CACNG2: variants seen among roughly 807,000 people sequenced by gnomAD.
The protein encoded by CACNG2 is voltage-dependent calcium channel gamma-2 subunit.
CACNG2 carries 3 observed loss-of-function variants against 25.9 expected under a neutral mutation model. The ratio of observed to expected loss-of-function variants is 0.12; its 90% CI spans 0.05 to 0.30. CACNG2 has a LOEUF of 0.30. Among genes scored for constraint, CACNG2 ranks in the 10% least tolerant of loss-of-function variants. CACNG2 has a pLI of 1.00. For synonymous variants in CACNG2, 167 were observed against 173.3 expected, an observed-to-expected ratio of 0.96 and a Z score of 0.29; for missense variants, 341 against 432.5, an observed-to-expected ratio of 0.79 and a Z score of 1.88.
intron 1 of CACNG2, among the ~76,000 whole-genome samples, chr22:36,611,221 C>G (rs1241014733): frequency 6.6e-6 from 1 of 152,126 alleles, no homozygotes; most frequent in Non-Finnish European, 1.5e-5. Flanking sequence ...GAGCTGCCCT[C>G]TATAGATTCG....
rs1270551428 is a variant in CACNG2 at position 36,606,869 on chromosome 22, G to C, written c.212-19321C>G. 2.0e-5 allele frequency among the ~76,000 whole-genome samples: 3 copies of C among 151,436 alleles called. No homozygotes were observed. The highest frequency in any genetic ancestry group is 7.3e-5 in the African/African-American group (3 of 41,148). On this transcript the variant is annotated intron_variant, in intron 1 of 3. Transcript: ENST00000300105. The surrounding 1 kb of genome is among the most constrained non-coding windows in gnomAD (Gnocchi z 5.7). ...TGTGTATGTATGTGTACGTGTGTAT[G>C]TCTGTGTGTGAGTCTGTGTGTGTGT...
At chr22:36,586,218 A>G (rs2145921286) in intron 2 of CACNG2, among the ~76,000 whole-genome samples, 1 of 152,342 alleles carries the variant, frequency 6.6e-6, no homozygotes, top group Non-Finnish European at 1.5e-5. Context: ...AGCACGGAGC[A>G]CAGGATCCAG....
chr22:36,629,255 CT>C (rs1449042627), intron 1 of CACNG2, among the ~76,000 whole-genome samples: 1 of 152,118 alleles, frequency 6.6e-6, no homozygotes, highest in Non-Finnish European at 1.5e-5. Flanking sequence ...TTCATTCTTC[CT>C]TCATTCGTTC....
At chr22:36,671,329 A>C (rs1434570846) in intron 1 of CACNG2, among the ~76,000 whole-genome samples, 2 of 152,246 alleles carry the variant, frequency 1.3e-5, no homozygotes, top group Non-Finnish European at 2.9e-5. Context: ...TTAATCTGAC[A>C]ATCTTGAAGC....
intron 1 of CACNG2, among the ~76,000 whole-genome samples, chr22:36,682,880 G>C (rs907587164): frequency 6.6e-6 from 1 of 152,106 alleles, no homozygotes; most frequent in African/African-American, 2.4e-5. Context: ...TCTTTTAATT[G>C]AAGGGAAGCT....
chr22:36,599,966 G>A (rs1395436885), intron 1 of CACNG2, among the ~76,000 whole-genome samples: 1 of 152,196 alleles, frequency 6.6e-6, no homozygotes, highest in African/African-American at 2.4e-5. Context: ...CAAAGTTCTG[G>A]CCAATGGGAT....
At chr22:36,676,295 G>T (rs1937018955) in intron 1 of CACNG2, among the ~76,000 whole-genome samples, 1 of 152,160 alleles carries the variant, frequency 6.6e-6, no homozygotes, top group South Asian at 2.1e-4. Flanking sequence ...CTCTAAACCT[G>T]AATCTTAGCG....
intron 1 of CACNG2, among the ~76,000 whole-genome samples, chr22:36,594,410 G>A (rs549422349): frequency 2.6e-5 from 4 of 152,344 alleles, no homozygotes; most frequent in Admixed American, 1.3e-4. Context: ...CACGCTCCAT[G>A]CAACCTGCTG....
chr22:36,672,781 T>C (rs1295151593), intron 1 of CACNG2, among the ~76,000 whole-genome samples: 1 of 152,196 alleles, frequency 6.6e-6, no homozygotes, highest in African/African-American at 2.4e-5. Flanking sequence ...TCCCATTCCG[T>C]ACTTTAGTCA....
intron 1 of CACNG2, among the ~76,000 whole-genome samples, chr22:36,676,122 C>G (rs890249191): frequency 7.9e-5 from 12 of 152,216 alleles, no homozygotes; most frequent in Non-Finnish European, 1.3e-4. Flanking sequence ...CCCCACAGCG[C>G]TATCTCTTAG....
chr22:36,596,995 G>A (rs1312293744), intron 1 of CACNG2, among the ~76,000 whole-genome samples: 3 of 151,508 alleles, frequency 2.0e-5, no homozygotes, highest in Non-Finnish European at 4.4e-5. Flanking sequence ...CAAGCGATCC[G>A]CCCTCCTCAG....
chr22:36,702,976 T>C lies in CACNG2; in HGVS notation c.-400A>G, dbSNP rs1937430611. ...GTTAATTTGGAGATGGCTTCCACAGTGAACCAGGGAACAGCCGAATTCTCA... is the reference window on the plus strand; with the variant it reads ...GTTAATTTGGAGATGGCTTCCACAGCGAACCAGGGAACAGCCGAATTCTCA... On this transcript the variant is annotated 5_prime_UTR_variant, in exon 1 of 4. Transcript: ENST00000300105. 1 of 189,018 alleles carries C rather than the reference T, an allele frequency of 5.3e-6. No individual in the cohort carries two copies. Among genetic ancestry groups the C allele is most frequent in the Non-Finnish European group, 1.1e-5 (1 of 92,986 alleles). The allele number at this position is 189,018 out of a possible 1,614,324, so 11.7% of individuals were successfully genotyped here.
intron 2 of CACNG2, among the ~76,000 whole-genome samples, chr22:36,568,897 G>A (rs978306454): frequency 6.6e-6 from 1 of 151,846 alleles, no homozygotes; most frequent in African/African-American, 2.4e-5. Context: ...GGGGTGGCTG[G>A]GCTACTCTGC....
At chr22:36,675,098 G>A (rs1937003711) in intron 1 of CACNG2, among the ~76,000 whole-genome samples, 1 of 152,062 alleles carries the variant, frequency 6.6e-6, no homozygotes, top group Non-Finnish European at 1.5e-5. Flanking sequence ...ATGCAGTGTT[G>A]TGATCACGGC....
At chr22:36,613,784 C>G (rs533758123) in intron 1 of CACNG2, among the ~76,000 whole-genome samples, 1 of 152,224 alleles carries the variant, frequency 6.6e-6, no homozygotes, top group South Asian at 2.1e-4. Flanking sequence ...GAACCTCAAC[C>G]TGAACTTAGT....
chr22:36,644,614 G>C (rs1601433190), intron 1 of CACNG2, among the ~76,000 whole-genome samples: 2 of 152,302 alleles, frequency 1.3e-5, no homozygotes, highest in Admixed American at 6.5e-5. Context: ...CTAATACTGA[G>C]AGGTAGCATG....
chr22:36,627,073 A>C (rs1466461073), intron 1 of CACNG2, among the ~76,000 whole-genome samples: 1 of 152,232 alleles, frequency 6.6e-6, no homozygotes, highest in Non-Finnish European at 1.5e-5. Flanking sequence ...CACTCCTCTG[A>C]GGAGACAACC....
intron 1 of CACNG2, among the ~76,000 whole-genome samples, chr22:36,596,025 T>C (rs2145928468): frequency 6.6e-6 from 1 of 152,374 alleles, no homozygotes; most frequent in South Asian, 2.1e-4. Flanking sequence ...TTTCTTTAGA[T>C]ACAATAAGCT....
intron 1 of CACNG2, among the ~76,000 whole-genome samples, chr22:36,614,415 G>A (rs533997668): frequency 6.6e-6 from 1 of 152,240 alleles, no homozygotes; most frequent in South Asian, 2.1e-4. Context: ...ATCCTGAGCC[G>A]GCAGCTCCTT....
Sources: gnomAD v4.1 joint callset for allele counts (sites outside exome capture counted in the v4.1 genomes callset) on GRCh38, gnomAD v4.1.1 for gene constraint, Gnocchi (gnomAD v3.1) non-coding constraint, MANE v1.5 for transcripts, NCBI Gene and HGNC (gene_info 2026-07-23, HGNC 2026-07-21) for gene names.